The following DDX11 variants were observed in gnomAD, a reference collection of about 807,000 sequenced individuals.
DDX11 encodes DEAD/H-box helicase 11.
In DDX11, 72 loss-of-function variants were observed where a neutral mutation model predicts 125.2. That is an observed-to-expected ratio of 0.58 (90% CI 0.48 to 0.70). The LOEUF (loss-of-function observed/expected upper bound fraction) is 0.70, where lower values mean the gene tolerates loss of function less well. Among genes scored for constraint, DDX11 ranks in the 30% least tolerant of loss-of-function variants. The pLI is 0.00. For synonymous variants in DDX11, 347 were observed against 452.6 expected, an observed-to-expected ratio of 0.77 and a Z score of 2.96; for missense variants, 883 against 1,165.0, an observed-to-expected ratio of 0.76 and a Z score of 3.52.
chr12:31,092,882 G>A lies in DDX11; in HGVS notation c.1279G>A (p.Glu427Lys), dbSNP rs1033552783. ...CCATTCCCAGCTGCTGCAGTACGTGGAGCGATACGGGTGAGATGTGACCCT... is the reference window on the plus strand; with the variant it reads ...CCATTCCCAGCTGCTGCAGTACGTGAAGCGATACGGGTGAGATGTGACCCT... ...QAHSQLLQYV[E>K]RYGKRLKAKN... The change falls in exon 11 of 27, where the codon GAG (glutamate) becomes AAG (lysine). Residue 427 changes from glutamate (E) to lysine (K), a missense_variant. By Grantham distance (56) the Glu-to-Lys change is moderately conservative. Coordinates refer to ENST00000542838, the MANE Select transcript of DDX11 (RefSeq NM_030653.4). 1.2e-6 allele frequency: 2 copies of A among 1,613,892 alleles called. No homozygotes were observed. The highest frequency in any genetic ancestry group is 1.7e-6 in the Non-Finnish European group (2 of 1,179,888).
Position 31,101,148 on chromosome 12 carries a change from C to A in DDX11, c.2052+18C>A, listed in dbSNP as rs776389186. 1 of 1,607,270 alleles carries A rather than the reference C, an allele frequency of 6.2e-7. No individual in the cohort carries two copies. The highest frequency in any genetic ancestry group is 1.3e-5 in the African/African-American group (1 of 74,748). On this transcript the variant is annotated intron_variant, in intron 20 of 26. Coordinates refer to ENST00000542838, the MANE Select transcript of DDX11 (RefSeq NM_030653.4). ...CTCAGATGGTCAGTCCCAGCCAGCT[C>A]GCCGCACCACAGCCTGGCCTCAGGC...
intron 17 of DDX11, 100 bp downstream of exon 17, chr12:31,097,090 C>T: frequency 1.3e-6 from 2 of 1,523,034 alleles, no homozygotes; most frequent in South Asian, 1.2e-5. Context: ...ATCCTGGGAA[C>T]TTCCTGGGTT....
chr12:31,093,215 A>G (rs1302270126), intron 11 of DDX11, 30 bp from the exon 12 acceptor site: 1 of 1,600,960 alleles, frequency 6.2e-7, no homozygotes, highest in Non-Finnish European at 8.5e-7. Flanking sequence ...TCAGGGCACC[A>G]CCACTTAATG....
In DDX11 at chr12:31,101,879, C is replaced by T. The variant is rs773843820; in HGVS notation, c.2099C>T (p.Pro700Leu). 6.2e-6 allele frequency: 10 copies of T among 1,613,842 alleles called. No individual in the cohort carries two copies. In the East Asian group the frequency reaches 1.1e-4, roughly 18 times the overall value. ...CTCTGTAACCTGTGCGGTGTGGTTC[C>T]TGGAGGGGTGGTCTGTTTCTTCCCC... is the stretch of plus-strand genomic sequence containing the variant. ...RILCNLCGVV[P>L]GGVVCFFPSY... is the part of the protein sequence containing the mutation. The change falls in exon 21 of 27, where the codon CCT becomes CTT. Residue 700 changes from proline (P) to leucine (L), a missense_variant. This residue lies in a region of DDX11 where 285 missense variants were observed against 346.0 expected (regional missense o/e 0.82). Coordinates refer to ENST00000542838, the MANE Select transcript of DDX11 (RefSeq NM_030653.4).
chr12:31,102,094 G>A (rs61918671), intron 21 of DDX11, 112 bp downstream of exon 21: 16 of 1,393,012 alleles, frequency 1.1e-5, no homozygotes, highest in Admixed American at 9.8e-5. Context: ...CATCCCCACC[G>A]CTCCCAGTCC....
chr12:31,103,640 G>A lies in DDX11; in HGVS notation c.2600G>A (p.Arg867Gln), dbSNP rs759123212. 4.1e-5 allele frequency: 66 copies of A among 1,613,972 alleles called. 2 individuals are homozygous for A. Among genetic ancestry groups the A allele is most frequent in the South Asian group, 3.4e-4 (31 of 91,074 alleles). Residue 867 changes from arginine (R) to glutamine (Q), a missense_variant, in exon 26 of 27, where the codon CGG becomes CAG. Arg to Gln is a conservative substitution (Grantham distance 43). Coordinates refer to ENST00000542838, the MANE Select transcript of DDX11 (RefSeq NM_030653.4). ...GTGCTCCTGGACCAGCGATATGCCC[G>A]GCCCCCTGTCCTGGCCAAGCTGCCG... ...SVVLLDQRYARPPVLAKLPAW... is the reference protein window; with the variant it reads ...SVVLLDQRYAQPPVLAKLPAW...
chr12:31,103,300 T>A lies in DDX11; in HGVS notation c.2458-17T>A, dbSNP rs1946722775. The A allele has an allele frequency of 1.2e-6, 2 of 1,609,594 alleles. No homozygotes were observed. The highest frequency in any genetic ancestry group is 1.7e-6 in the Non-Finnish European group (2 of 1,179,154). Reference sequence around the variant, plus strand: ...AGGCAGGGAACAGTCCTGATGGGTCTTCCCCTTCACTCCCAGCCCAGAGCC... The same window carrying A: ...AGGCAGGGAACAGTCCTGATGGGTCATCCCCTTCACTCCCAGCCCAGAGCC... On this transcript the variant is annotated splice_polypyrimidine_tract_variant and intron_variant, in intron 24 of 26. Transcript: ENST00000542838.
In DDX11 at chr12:31,081,028, A is replaced by G. The variant is rs139329335; in HGVS notation, c.144+2491A>G. Among the ~76,000 whole-genome samples the G allele has an allele frequency of 4.3e-3, 650 of 152,310 alleles. 8 individuals carry two copies. Among genetic ancestry groups the G allele is most frequent in the African/African-American group, 0.015 (628 of 41,564 alleles). ...CCATAGTGCTGAGATTACAGGCATG[A>G]GCCACTGTACCTGACCCCTTTCACC... is the stretch of plus-strand genomic sequence containing the variant. On this transcript the variant is annotated intron_variant, in intron 2 of 26. Coordinates refer to ENST00000542838, the MANE Select transcript of DDX11 (RefSeq NM_030653.4).
Position 31,078,542 on chromosome 12 carries a change from G to A in DDX11, c.144+5G>A, listed in dbSNP as rs779399256. Reference sequence around the variant, plus strand: ...TTTGAGAGTCCAACTGGCACTGTGAGTATGAACAGTGAGAGATACTGAAAA... The same window carrying A: ...TTTGAGAGTCCAACTGGCACTGTGAATATGAACAGTGAGAGATACTGAAAA... On this transcript the variant is annotated splice_donor_5th_base_variant and intron_variant, in intron 2 of 26. Coordinates refer to ENST00000542838, the MANE Select transcript of DDX11 (RefSeq NM_030653.4). 1.9e-6 allele frequency: 3 copies of A among 1,611,856 alleles called. No homozygotes were observed. In the East Asian group the frequency reaches 6.7e-5, roughly 36 times the overall value.
chr12:31,092,337 G>GT (rs973426047), intron 10 of DDX11, among the ~76,000 whole-genome samples: 2 of 152,162 alleles, frequency 1.3e-5, no homozygotes, highest in Admixed American at 1.3e-4. Context: ...TGGTGTTCCT[G>GT]TTTTACATTG....
At position 31,102,942 on chromosome 12, in the gene DDX11, G is replaced by A; in HGVS notation, c.2379G>A (p.Val793=). The A allele has an allele frequency of 6.2e-7, 1 of 1,613,970 alleles. No individual in the cohort carries two copies. The highest frequency in any genetic ancestry group is 8.5e-7 in the Non-Finnish European group (1 of 1,179,848). ...INFSDNLGRC[V]VMVGMPFPNI... ...TCTTGTCTCCCCCGCCCAGGTGTGT[G>A]GTGATGGTGGGCATGCCCTTCCCCA... The change falls in exon 24 of 27, where the codon GTG becomes GTA. Residue 793 remains valine (V), a synonymous_variant. Transcript: ENST00000542838.
intron 11 of DDX11, 138 bp downstream of exon 11, chr12:31,093,030 A>C (rs1222693926): frequency 2.0e-6 from 2 of 1,024,426 alleles, no homozygotes; most frequent in African/African-American, 3.2e-5. Flanking sequence ...TTCATGTCCT[A>C]GGCACATCAT....
intron 8 of DDX11, 165 bp downstream of exon 8, chr12:31,089,655 G>T: frequency 2.8e-6 from 3 of 1,061,320 alleles, no homozygotes; most frequent in Non-Finnish European, 4.3e-6. Context: ...CTACTCTCTG[G>T]GTCAGTGTCT....
intron 18 of DDX11, among the ~76,000 whole-genome samples, chr12:31,098,377 CAA>C (rs1020895662): frequency 1.3e-5 from 2 of 152,398 alleles, no homozygotes; most frequent in African/African-American, 4.8e-5. Context: ...GTTTTAAAAA[CAA>C]AAGTACGGCT....
Position 31,100,634 on chromosome 12 carries a change from G to T in DDX11, c.1876-1G>T. 1 of 1,552,358 alleles carries T rather than the reference G, an allele frequency of 6.4e-7. No individual in the cohort carries two copies. Among genetic ancestry groups the T allele is most frequent in the East Asian group, 2.4e-5 (1 of 41,028 alleles). ...CGTGACGCTGTGGCCTTGGTCTACA[G>T]GTGTCTGACTTCCGGCAGCAGCTGC... On this transcript the variant is annotated splice_acceptor_variant, in intron 18 of 26. Transcript: ENST00000542838. LOFTEE classifies it high-confidence loss of function.
In DDX11 at chr12:31,096,363, G is replaced by C; in HGVS notation, c.1505G>C (p.Ser502Thr). Residue 502 changes from serine to threonine, a missense_variant, in exon 15 of 27, where the codon AGC becomes ACC. Ser to Thr is a moderately conservative substitution (Grantham distance 58, BLOSUM62 1). This residue lies in a region of DDX11 where 241 missense variants were observed against 279.7 expected (regional missense o/e 0.86). Coordinates refer to ENST00000542838, the MANE Select transcript of DDX11 (RefSeq NM_030653.4). ...LFKVQRYCEK[S>T]MISRKLFGFT... ...CAGGTGCAGCGATACTGTGAGAAGA[G>C]CATGATCAGCAGAAAGGTAACTGCT... 6.2e-7 allele frequency: 1 copy of C among 1,613,014 alleles called. No individual in the cohort carries two copies.
chr12:31,091,864 G>C lies in DDX11; in HGVS notation c.1235G>C (p.Gly412Ala), dbSNP rs1944292531. ...GGCATGCACAGCGTGGAGGTCAGCGGCTCCCAGGTGTGTGGGCCTCCCCTC... is the reference window on the plus strand; with the variant it reads ...GGCATGCACAGCGTGGAGGTCAGCGCCTCCCAGGTGTGTGGGCCTCCCCTC... ...ITGMHSVEVSGSQLCQAHSQL... is the reference protein window; with the variant it reads ...ITGMHSVEVSASQLCQAHSQL... Residue 412 changes from glycine (G) to alanine (A), a missense_variant, in exon 10 of 27, where the codon GGC becomes GCC. This residue lies in a region of DDX11 where 241 missense variants were observed against 279.7 expected (regional missense o/e 0.86). Transcript: ENST00000542838. The C allele has an allele frequency of 1.9e-6, 3 of 1,613,498 alleles. No homozygotes were observed. Among genetic ancestry groups the C allele is most frequent in the African/African-American group, 2.7e-5 (2 of 74,948 alleles).
rs759146055 is a variant in DDX11 at position 31,096,737 on chromosome 12, C to T, written c.1622C>T (p.Thr541Met). 54 of 1,614,070 alleles carry T rather than the reference C, an allele frequency of 3.3e-5. No individual in the cohort carries two copies. The highest frequency in any genetic ancestry group is 2.9e-4 in the East Asian group (13 of 44,880). The change falls in exon 16 of 27, where the codon ACG (threonine) becomes ATG (methionine). Residue 541 changes from threonine to methionine, a missense_variant. This residue lies in a region of DDX11 where 241 missense variants were observed against 279.7 expected (regional missense o/e 0.86). Coordinates refer to ENST00000542838, the MANE Select transcript of DDX11 (RefSeq NM_030653.4). Reference sequence around the variant, plus strand: ...TTCCTGCAGAGCCTGCAGCCCAGGACGACTGAAGGTGAGGCAGGAGGGTGG... The same window carrying T: ...TTCCTGCAGAGCCTGCAGCCCAGGATGACTGAAGGTGAGGCAGGAGGGTGG... ...QQFLQSLQPRTTEALAAPADE... is the reference protein window; with the variant it reads ...QQFLQSLQPRMTEALAAPADE...
chr12:31,087,623 G>C lies in DDX11; in HGVS notation c.639-315G>C, dbSNP rs1040105941. On this transcript the variant is annotated intron_variant, in intron 5 of 26. Coordinates refer to ENST00000542838, the MANE Select transcript of DDX11 (RefSeq NM_030653.4). ...ATATCCGCCCTGGGGCCTCAGAGGG[G>C]TCCAGCTTGCTGGAGGGAGGGCAGA... 1.6e-5 allele frequency: 7 copies of C among 449,836 alleles called. No homozygotes were observed. In the Admixed American group the frequency reaches 2.0e-4, roughly 13 times the overall value. 27.9% of individuals were successfully genotyped at this position (449,836 alleles called of 1,614,324 possible).
Sources: gnomAD v4.1 joint callset for allele counts (sites outside exome capture counted in the v4.1 genomes callset) on GRCh38, gnomAD v4.1.1 for gene constraint, gnomAD v4.1.1 regional missense constraint, MANE v1.5 for transcripts, NCBI Gene and HGNC (gene_info 2026-07-23, HGNC 2026-07-21) for gene names.